Variants in CUX1 observed in about 807,000 individuals in gnomAD.
CUX1 encodes the protein protein CASP.
Under a neutral mutation model 158.8 loss-of-function variants are expected in CUX1, and 31 were observed. The ratio of observed to expected loss-of-function variants is 0.20; its 90% CI spans 0.15 to 0.26. The LOEUF (loss-of-function observed/expected upper bound fraction) is 0.26, where lower values mean the gene tolerates loss of function less well. CUX1 is among the 10% of genes least tolerant of loss of function. CUX1 has a pLI of 1.00. For missense variants in CUX1, 1,589 were observed against 2,014.6 expected (o/e 0.79, Z 4.04); for synonymous variants, 879 against 862.1 (o/e 1.02, Z -0.34).
At chr7:102,060,260 AGAGCGAGACTCTG>A (rs1417791557) in intron 3 of CUX1, among the ~76,000 whole-genome samples, 6 of 151,458 alleles carry the variant, frequency 4.0e-5, no homozygotes, top group African/African-American at 1.5e-4. Flanking sequence ...CCTGGGAGAC[AGAGCGAGACTCTG>A]TCTCAAAAAA....
At chr7:102,044,587 G>A (rs1444052149) in intron 3 of CUX1, among the ~76,000 whole-genome samples, 2 of 152,098 alleles carry the variant, frequency 1.3e-5, no homozygotes, top group Non-Finnish European at 2.9e-5. Context: ...CATGCTTTGA[G>A]GGCCCGTATC....
At chr7:102,205,521 G>A (rs1332113115) in intron 20 of CUX1, among the ~76,000 whole-genome samples, 2 of 152,120 alleles carry the variant, frequency 1.3e-5, no homozygotes, top group African/African-American at 2.4e-5. Context: ...TCCCTCTCCT[G>A]GTGGGGTCAT....
At position 102,205,125 on chromosome 7, in the gene CUX1, G is replaced by A. The variant is rs373913483; in HGVS notation, c.3085G>A (p.Val1029Met). ...TTTTTCTACTTTAGTCCTCCACTCCGTGACATCGCTCCAGGACCCGCTGCA... is the reference window on the plus strand; with the variant it reads ...TTTTTCTACTTTAGTCCTCCACTCCATGACATCGCTCCAGGACCCGCTGCA... ...GQQQGPVLHS[V>M]TSLQDPLQQG... Residue 1029 changes from valine (V) to methionine (M), a missense_variant, in exon 20 of 24, where the codon GTG becomes ATG. Val to Met is a conservative substitution (Grantham distance 21, BLOSUM62 1). Around this residue, in one of 8 missense-constraint regions of CUX1, gnomAD observed 259 missense variants for 373.8 expected, o/e 0.69. Coordinates refer to ENST00000292535, the MANE Select transcript of CUX1 (RefSeq NM_181552.4). 1.2e-4 allele frequency: 186 copies of A among 1,610,500 alleles called. No individual in the cohort carries two copies. Among genetic ancestry groups the A allele is most frequent in the Admixed American group, 3.8e-4 (23 of 60,010 alleles).
In CUX1 at chr7:102,248,366, C is replaced by T; in HGVS notation, c.3888-46C>T. ...GCTGGGGTAGCACCAGAGGCCCTTTCCCCAGCAGCACCCCCCTCACGTCCC... is the reference window on the plus strand; with the variant it reads ...GCTGGGGTAGCACCAGAGGCCCTTTTCCCAGCAGCACCCCCCTCACGTCCC... On this transcript the variant is annotated intron_variant, in intron 23 of 23. Transcript: ENST00000292535. This position sits in a 1 kb window ranked among gnomAD's most constrained non-coding sequence, Gnocchi z 5.8. 2 of 1,517,266 alleles carry T rather than the reference C, an allele frequency of 1.3e-6. No homozygotes were observed. Among genetic ancestry groups the T allele is most frequent in the Middle Eastern group, 1.7e-4 (1 of 5,896 alleles). The allele number at this position is 1,517,266 out of a possible 1,614,324, so 94.0% of individuals were successfully genotyped here. A position where few individuals can be genotyped will look rare whatever the true frequency, so the allele number is the denominator to read the frequency against.
chr7:102,199,262 A>C (rs186951479), intron 16 of CUX1, among the ~76,000 whole-genome samples: 11 of 152,188 alleles, frequency 7.2e-5, no homozygotes, highest in Admixed American at 2.0e-4. Context: ...TCGGAAACAC[A>C]CTCAAGGTCC....
chr7:102,268,522 C>G (rs534945957), intron 14 of CUX1, among the ~76,000 whole-genome samples: 1 of 152,174 alleles, frequency 6.6e-6, no homozygotes, highest in African/African-American at 2.4e-5. Context: ...TGTGGATCAC[C>G]CCCTGAAGCT....
At chr7:102,132,095 T>G (rs1833308113) in intron 8 of CUX1, among the ~76,000 whole-genome samples, 1 of 150,908 alleles carries the variant, frequency 6.6e-6, no homozygotes, top group African/African-American at 2.4e-5. Flanking sequence ...ATGCCAAAAG[T>G]AGAAATCACA....
At chr7:102,060,071 C>T (rs987491299) in intron 3 of CUX1, among the ~76,000 whole-genome samples, 3 of 151,832 alleles carry the variant, frequency 2.0e-5, no homozygotes, top group Admixed American at 2.0e-4. Context: ...GTCAGGGGAT[C>T]GAGACCATCC....
intron 1 of CUX1, among the ~76,000 whole-genome samples, chr7:101,877,756 TTGTGTGTG>T (rs112494807): frequency 0.098 from 14,616 of 148,772 alleles, 783 homozygotes; most frequent in South Asian, 0.13. Context: ...ATCCCTCCAA[TTGTGTGTG>T]TGTGTGTGTG....
At position 102,273,281 on chromosome 7, in the gene CUX1, C is replaced by T. The variant is rs145222227; in HGVS notation, c.1256-85C>T. On this transcript the variant is annotated intron_variant, in intron 14 of 22. Coordinates refer to the CUX1 transcript ENST00000292538. ...CATCCAGGCAGCCCTGCTTCCAGAC[C>T]GTGGGTTGGAGAGGCAGAACCAGGG... 8.7e-5 allele frequency: 133 copies of T among 1,534,424 alleles called. No individual in the cohort carries two copies. In the East Asian group the frequency reaches 2.1e-3, roughly 24 times the overall value.
intron 1 of CUX1, among the ~76,000 whole-genome samples, chr7:101,890,041 G>A (rs1800702599): frequency 6.6e-6 from 1 of 152,194 alleles, no homozygotes; most frequent in African/African-American, 2.4e-5. Flanking sequence ...GTGGTGGGGT[G>A]CCCCCGGGGA....
At chr7:102,020,725 CA>C (rs1563140102) in intron 2 of CUX1, among the ~76,000 whole-genome samples, 1 of 151,826 alleles carries the variant, frequency 6.6e-6, no homozygotes, top group South Asian at 2.1e-4. Flanking sequence ...ACTAAAAATA[CA>C]AAAATTAGCT....
chr7:101,926,610 G>A (rs568697600), intron 2 of CUX1, among the ~76,000 whole-genome samples: 10 of 152,206 alleles, frequency 6.6e-5, no homozygotes, highest in Admixed American at 2.6e-4. Flanking sequence ...CAGTTTCTTC[G>A]TCTGCAAAAA....
chr7:102,107,509 C>G (rs1830481404), intron 6 of CUX1, among the ~76,000 whole-genome samples: 1 of 152,214 alleles, frequency 6.6e-6, no homozygotes. Context: ...CCATTGCATT[C>G]TAGCCTGGGC....
At chr7:101,858,786 C>T (rs139002016) in intron 1 of CUX1, among the ~76,000 whole-genome samples, 3 of 151,892 alleles carry the variant, frequency 2.0e-5, no homozygotes, top group Non-Finnish European at 2.9e-5. Flanking sequence ...CTGCTTCAGC[C>T]TCCTGAGTAG....
At chr7:102,082,126 A>G (rs1336403690) in intron 4 of CUX1, among the ~76,000 whole-genome samples, 1 of 146,918 alleles carries the variant, frequency 6.8e-6, no homozygotes, top group Non-Finnish European at 1.5e-5. Flanking sequence ...AGTCTCTGTC[A>G]CCTCACTGCA....
intron 2 of CUX1, among the ~76,000 whole-genome samples, chr7:102,014,383 G>T (rs907918723): frequency 9.9e-5 from 15 of 152,146 alleles, no homozygotes; most frequent in East Asian, 5.8e-4. Context: ...GCAAAGTTGG[G>T]CATAGAGATC....
At chr7:102,207,093 A>G (rs1358922684) in intron 20 of CUX1, among the ~76,000 whole-genome samples, 2 of 152,228 alleles carry the variant, frequency 1.3e-5, no homozygotes, top group African/African-American at 4.8e-5. Flanking sequence ...AAACCTAGGA[A>G]AAACACACTA....
At position 102,254,788 on chromosome 7, in the gene CUX1, G is replaced by T. The variant is rs782233391; in HGVS notation, c.*5746G>T. 3.2e-5 allele frequency: 32 copies of T among 985,366 alleles called. No individual in the cohort carries two copies. Among genetic ancestry groups the T allele is most frequent in the Non-Finnish European group, 3.7e-5 (31 of 829,976 alleles). The allele number at this position is 985,366 out of a possible 1,614,324, so 61.0% of individuals were successfully genotyped here. A position where few individuals can be genotyped will look rare whatever the true frequency, so the allele number is the denominator to read the frequency against. ...GACCTGAGGCCAGTGTGATGTGGTT[G>T]GATCTCAGCGTGTACTGAATGCCAG... is the stretch of plus-strand genomic sequence containing the variant. On this transcript the variant is annotated 3_prime_UTR_variant, in exon 24 of 24. Coordinates refer to ENST00000292535, the MANE Select transcript of CUX1 (RefSeq NM_181552.4).
Sources: allele counts gnomAD v4.1 joint callset (sites outside exome capture counted in the v4.1 genomes callset), GRCh38; gene constraint gnomAD v4.1.1; regional missense constraint gnomAD v4.1.1; non-coding constraint Gnocchi (gnomAD v3.1); transcripts MANE v1.5; gene names NCBI Gene and HGNC (gene_info 2026-07-23, HGNC 2026-07-21).